SSUH2: variants seen among roughly 807,000 people sequenced by gnomAD.
SSUH2 encodes the protein protein SSUH2 homolog.
In SSUH2, 47 loss-of-function variants were observed where a neutral mutation model predicts 55.3. The ratio of observed to expected loss-of-function variants is 0.85; its 90% CI spans 0.67 to 1.08. SSUH2 has a LOEUF of 1.08. Among genes scored for constraint, SSUH2 ranks in the 50% least tolerant of loss-of-function variants. The pLI, the probability that SSUH2 is intolerant of heterozygous loss-of-function variation, is 0.00. For missense variants in SSUH2, 535 were observed against 490.7 expected (o/e 1.09, Z -0.85); for synonymous variants, 212 against 191.5 (o/e 1.11, Z -0.89).
At chr3:8,628,437 T>C (rs1485691251) in intron 7 of SSUH2, among the ~76,000 whole-genome samples, 1 of 152,146 alleles carries the variant, frequency 6.6e-6, no homozygotes, top group Non-Finnish European at 1.5e-5. Context: ...ACTAATGCCA[T>C]GAGTAATGCC....
Position 8,653,918 on chromosome 3 carries a change from C to T in SSUH2, c.-307+5007G>A, listed in dbSNP as rs1702683318. Among the ~76,000 whole-genome samples, 5 of 152,232 alleles carry T rather than the reference C, an allele frequency of 3.3e-5. No individual in the cohort carries two copies. In the South Asian group the frequency reaches 8.3e-4, roughly 25 times the overall value. ...ACCCTTCCACCCCACCCAGTGGGAA[C>T]CGTTCCCCTGCCTGTAACAGCATGG... On this transcript the variant is annotated intron_variant, in intron 7 of 18. Coordinates refer to the SSUH2 transcript ENST00000317371.
chr3:8,672,993 G>T (rs2124828810), intron 3 of SSUH2, among the ~76,000 whole-genome samples: 1 of 152,122 alleles, frequency 6.6e-6, no homozygotes, highest in Non-Finnish European at 1.5e-5. Context: ...ACCCACTGAG[G>T]TATTAGGCAT....
chr3:8,661,155 AC>A (rs1703447897), intron 6 of SSUH2, among the ~76,000 whole-genome samples: 1 of 152,172 alleles, frequency 6.6e-6, no homozygotes, highest in African/African-American at 2.4e-5. Flanking sequence ...GAAATATTTT[AC>A]AATTGTAAGT....
intron 7 of SSUH2, chr3:8,629,278 C>T: frequency 4.5e-6 from 1 of 220,698 alleles, no homozygotes; most frequent in Non-Finnish European, 8.9e-6. Flanking sequence ...CTGCTCAGCA[C>T]CCACTGCCCT....
intron 1 of SSUH2, among the ~76,000 whole-genome samples, chr3:8,681,169 G>A (rs1322724574): frequency 7.5e-6 from 1 of 133,454 alleles, no homozygotes; most frequent in African/African-American, 2.6e-5. Flanking sequence ...GCAGGGGGGG[G>A]AGTCACCCCA....
intron 7 of SSUH2, among the ~76,000 whole-genome samples, chr3:8,655,717 C>T (rs1021215742): frequency 3.9e-5 from 6 of 152,180 alleles, no homozygotes; most frequent in Admixed American, 6.5e-5. Context: ...GAGCTGACAG[C>T]GTGGAGAGAA....
chr3:8,679,055 G>C (rs149401130), intron 2 of SSUH2, among the ~76,000 whole-genome samples: 2,182 of 106,842 alleles, frequency 0.02, 507 homozygotes, highest in African/African-American at 0.063. Context: ...ACGCAGGGGA[G>C]GAAGCACCCC....
intron 7 of SSUH2, among the ~76,000 whole-genome samples, chr3:8,654,052 G>A (rs1374094732): frequency 6.6e-6 from 1 of 152,194 alleles, no homozygotes; most frequent in Non-Finnish European, 1.5e-5. Context: ...TGACAGAAAT[G>A]TATTTTCTCA....
rs1356010588 is a variant in SSUH2, at chr3:8,679,101, C to A, written c.-901+604G>T. Among the ~76,000 whole-genome samples the A allele has an allele frequency of 7.3e-5, 8 of 109,038 alleles. 1 individual carries two copies. The highest frequency in any genetic ancestry group is 2.3e-4 in the East Asian group (1 of 4,296). 71.5% of individuals were successfully genotyped at this position (109,038 alleles called of 152,430 possible). ...GGGACTGAGAGCAAGCACCTCTTTC[C>A]CCCCTGGCTCTTAGGACCCAAATTG... is the stretch of plus-strand genomic sequence containing the variant. On this transcript the variant is annotated intron_variant, in intron 2 of 18. Transcript: ENST00000317371.
Position 8,634,675 on chromosome 3 carries a change from G to A in SSUH2, c.209+625C>T, listed in dbSNP as rs942846135. On this transcript the variant is annotated intron_variant, in intron 3 of 11. Transcript: ENST00000544814. ...GCATGGAAAGTGGGTGTCCATGGAG[G>A]AGAAGGGGGTTGCTTCTGGCAGCAG... 4.0e-6 allele frequency: 4 copies of A among 1,002,480 alleles called. No individual in the cohort carries two copies. The African/African-American group carries it at 5.0e-5, about 12-fold the overall frequency. 62.1% of individuals were successfully genotyped at this position (1,002,480 alleles called of 1,614,324 possible).
At chr3:8,624,100 A>G (rs1013832133) in intron 10 of SSUH2, among the ~76,000 whole-genome samples, 5 of 152,152 alleles carry the variant, frequency 3.3e-5, no homozygotes, top group African/African-American at 1.2e-4. Context: ...CTTGCACTCA[A>G]CCTACAGAAA....
chr3:8,680,384 C>A (rs550097620), intron 1 of SSUH2, among the ~76,000 whole-genome samples: 3 of 152,162 alleles, frequency 2.0e-5, no homozygotes, highest in Non-Finnish European at 4.4e-5. Context: ...GAGTCATATC[C>A]TCTCGCTCTC....
chr3:8,640,128 G>C, intron 1 of SSUH2: 3 of 405,636 alleles, frequency 7.4e-6, no homozygotes, highest in Non-Finnish European at 6.6e-6. Flanking sequence ...GATTTACAAG[G>C]TGAAAGGGGT....
At chr3:8,670,557 C>T (rs1441252050) in intron 5 of SSUH2, among the ~76,000 whole-genome samples, 2 of 151,942 alleles carry the variant, frequency 1.3e-5, no homozygotes, top group Admixed American at 1.3e-4. Flanking sequence ...CATACACCCC[C>T]GGTGACAATA....
rs144212614 is a variant in SSUH2 at position 8,679,801 on chromosome 3, C to G, written c.-997G>C. Reference sequence around the variant, plus strand: ...ATTTACTATCCCACAGGGGTCTGAACGCAGCCCAGGATCAGAAAGAAAGCA... The same window carrying G: ...ATTTACTATCCCACAGGGGTCTGAAGGCAGCCCAGGATCAGAAAGAAAGCA... On this transcript the variant is annotated 5_prime_UTR_variant, in exon 2 of 19. Coordinates refer to the SSUH2 transcript ENST00000317371. 992 of 153,708 alleles carry G rather than the reference C, an allele frequency of 6.5e-3. 7 individuals carry two copies. The highest frequency in any genetic ancestry group is 0.01 in the Admixed American group (155 of 15,312). 9.5% of individuals were successfully genotyped at this position (153,708 alleles called of 1,614,324 possible).
At chr3:8,632,731 G>A (rs983502596) in intron 4 of SSUH2, among the ~76,000 whole-genome samples, 6 of 152,210 alleles carry the variant, frequency 3.9e-5, no homozygotes, top group African/African-American at 7.2e-5. Flanking sequence ...TGTAAAAGCT[G>A]CTCCTCTGCT....
At chr3:8,657,457 G>T (rs1349364078) in intron 7 of SSUH2, among the ~76,000 whole-genome samples, 1 of 151,156 alleles carries the variant, frequency 6.6e-6, no homozygotes, top group Non-Finnish European at 1.5e-5. Flanking sequence ...ACATGGACAC[G>T]TGGAAGTTCT....
intron 1 of SSUH2, among the ~76,000 whole-genome samples, chr3:8,680,449 A>G (rs977072202): frequency 1.1e-4 from 17 of 152,126 alleles, no homozygotes; most frequent in South Asian, 4.2e-4. Flanking sequence ...TACAGAGGGT[A>G]TACACCTGTC....
chr3:8,663,722 A>T (rs761169344), intron 6 of SSUH2: 7 of 446,312 alleles, frequency 1.6e-5, no homozygotes, highest in Non-Finnish European at 3.2e-5. Context: ...ATTGGGACAC[A>T]CTGGTCCATA....
Sources: gnomAD v4.1 joint callset for allele counts (sites outside exome capture counted in the v4.1 genomes callset) on GRCh38, gnomAD v4.1.1 for gene constraint, MANE v1.5 for transcripts, NCBI Gene and HGNC (gene_info 2026-07-23, HGNC 2026-07-21) for gene names.